The following CNTNAP2 variants were observed in gnomAD, a reference collection of about 807,000 sequenced individuals.
The protein encoded by CNTNAP2 is contactin-associated protein-like 2.
Under a neutral mutation model 155.2 loss-of-function variants are expected in CNTNAP2, and 98 were observed. The observed-to-expected ratio is 0.63, with a 90% confidence interval of 0.54 to 0.75. CNTNAP2 has a LOEUF of 0.75. Among genes scored for constraint, CNTNAP2 ranks in the 30% least tolerant of loss-of-function variants. The probability of loss-of-function intolerance (pLI) is 0.00; values close to 1 mark genes in which losing one functional copy is unlikely to be tolerated. For synonymous variants in CNTNAP2, 651 were observed against 631.2 expected (o/e 1.03, Z -0.47); for missense variants, 1,727 against 1,688.1 (o/e 1.02, Z -0.40).
At chr7:147,413,038 C>T (rs1458175015) in intron 10 of CNTNAP2, among the ~76,000 whole-genome samples, 1 of 152,224 alleles carries the variant, frequency 6.6e-6, no homozygotes, top group Admixed American at 6.5e-5. Flanking sequence ...TCAACTCATT[C>T]ATTCTTAAAA....
chr7:147,702,192 G>A (rs561173471), intron 13 of CNTNAP2, among the ~76,000 whole-genome samples: 2 of 151,564 alleles, frequency 1.3e-5, no homozygotes, highest in South Asian at 2.1e-4. Context: ...ATCTCTCGTC[G>A]GATCCACCTC....
At chr7:146,149,789 A>G (rs1277750204) in intron 1 of CNTNAP2, among the ~76,000 whole-genome samples, 1 of 151,914 alleles carries the variant, frequency 6.6e-6, no homozygotes, top group Non-Finnish European at 1.5e-5. Context: ...TTAAGCTCAA[A>G]AGTTTCTAGA....
chr7:147,113,598 T>C (rs1800927657), intron 5 of CNTNAP2, among the ~76,000 whole-genome samples: 1 of 152,034 alleles, frequency 6.6e-6, no homozygotes, highest in Admixed American at 6.6e-5. Context: ...AAGCCCTTTA[T>C]AAAAACACCA....
intron 18 of CNTNAP2, among the ~76,000 whole-genome samples, chr7:148,181,778 G>A (rs186199708): frequency 7.8e-4 from 41 of 52,708 alleles, no homozygotes; most frequent in Admixed American, 3.9e-3. Flanking sequence ...TTTTTTTTGA[G>A]ACGGAGTCTC....
chr7:148,052,734 T>C (rs574559644), intron 15 of CNTNAP2, among the ~76,000 whole-genome samples: 9 of 152,306 alleles, frequency 5.9e-5, no homozygotes, highest in Admixed American at 5.9e-4. Context: ...AGTTTAGCCG[T>C]ATAACAGTAT....
intron 15 of CNTNAP2, among the ~76,000 whole-genome samples, chr7:148,007,306 A>G (rs1801999362): frequency 1.3e-5 from 2 of 152,206 alleles, no homozygotes; most frequent in African/African-American, 4.8e-5. Flanking sequence ...ATAGTCTACC[A>G]GAGTAGAAAT....
At chr7:146,822,765 T>TTATA (rs1803314409) in intron 2 of CNTNAP2, among the ~76,000 whole-genome samples, 2 of 147,048 alleles carry the variant, frequency 1.4e-5, no homozygotes, top group Admixed American at 6.9e-5. Flanking sequence ...TTAAGAATAT[T>TTATA]TATAAATATA....
chr7:148,113,685 T>A (rs1411988560), intron 15 of CNTNAP2, among the ~76,000 whole-genome samples: 5 of 152,218 alleles, frequency 3.3e-5, no homozygotes, highest in African/African-American at 4.8e-5. Flanking sequence ...CTGCACTAGC[T>A]AGAGGTGCCT....
chr7:147,633,994 A>G (rs1795134269), intron 12 of CNTNAP2, among the ~76,000 whole-genome samples: 1 of 152,202 alleles, frequency 6.6e-6, no homozygotes, highest in Admixed American at 6.5e-5. Context: ...GAACACTTCT[A>G]CACTGCTGGT....
chr7:146,524,753 G>C (rs941665567), intron 1 of CNTNAP2, among the ~76,000 whole-genome samples: 1 of 151,956 alleles, frequency 6.6e-6, no homozygotes, highest in African/African-American at 2.4e-5. Context: ...TAAATACAAG[G>C]TGCAAAATGT....
chr7:147,481,854 G>C (rs999368680), intron 10 of CNTNAP2, among the ~76,000 whole-genome samples: 1 of 152,154 alleles, frequency 6.6e-6, no homozygotes, highest in African/African-American at 2.4e-5. Flanking sequence ...AAACTTTCAA[G>C]CTAGGACTTG....
chr7:147,875,023 C>CACA, intron 13 of CNTNAP2, among the ~76,000 whole-genome samples: 1 of 152,168 alleles, frequency 6.6e-6, no homozygotes, highest in South Asian at 2.1e-4. Flanking sequence ...TGGTCAAAGC[C>CACA]ATTTCACAAG....
intron 1 of CNTNAP2, among the ~76,000 whole-genome samples, chr7:146,679,641 C>T (rs1446199194): frequency 2.0e-5 from 3 of 152,178 alleles, no homozygotes; most frequent in African/African-American, 7.2e-5. Flanking sequence ...AGGCGTGAGC[C>T]ACCGTGCCCG....
intron 3 of CNTNAP2, among the ~76,000 whole-genome samples, chr7:147,012,372 A>G (rs369403502): frequency 1.3e-5 from 2 of 152,188 alleles, no homozygotes; most frequent in East Asian, 3.9e-4. Flanking sequence ...CTTACTTTTA[A>G]GTGATTCAGA....
At chr7:147,756,397 C>T (rs1390173964) in intron 13 of CNTNAP2, among the ~76,000 whole-genome samples, 2 of 152,088 alleles carry the variant, frequency 1.3e-5, no homozygotes, top group African/African-American at 4.8e-5. Flanking sequence ...CAGCTAACAG[C>T]AATGTATCAA....
intron 3 of CNTNAP2, among the ~76,000 whole-genome samples, chr7:146,908,509 A>G (rs1251974308): frequency 5.2e-5 from 7 of 134,752 alleles, no homozygotes; most frequent in African/African-American, 1.4e-4. Flanking sequence ...ACTCAAAACC[A>G]CTCAACTACA....
chr7:146,958,034 A>C (rs934285258), intron 3 of CNTNAP2, among the ~76,000 whole-genome samples: 24 of 152,172 alleles, frequency 1.6e-4, no homozygotes, highest in African/African-American at 5.5e-4. Flanking sequence ...CAATTTCACT[A>C]TATTAACATA....
intron 1 of CNTNAP2, among the ~76,000 whole-genome samples, chr7:146,198,423 C>T (rs903719730): frequency 6.6e-6 from 1 of 152,110 alleles, no homozygotes; most frequent in African/African-American, 2.4e-5. Context: ...AAATAGAAAG[C>T]CCAAGTCCCA....
In CNTNAP2 at chr7:147,171,882, A is replaced by G. The variant is rs1469483505; in HGVS notation, c.1348+39373A>G. On this transcript the variant is annotated intron_variant, in intron 8 of 23. Transcript: ENST00000361727. ...GTATTACATCGTGATCATGAAACTT[A>G]CCAGTGAAATATGTTCTATGAAAAA... 2.6e-5 allele frequency among the ~76,000 whole-genome samples: 4 copies of G among 152,226 alleles called. No homozygotes were observed. The East Asian group carries it at 7.7e-4, about 29-fold the overall frequency.
Sources: gnomAD v4.1 joint callset for allele counts (sites outside exome capture counted in the v4.1 genomes callset) on GRCh38, gnomAD v4.1.1 for gene constraint, MANE v1.5 for transcripts, NCBI Gene and HGNC (gene_info 2026-07-23, HGNC 2026-07-21) for gene names.